The following IFT43 variants were observed in gnomAD, a reference collection of about 807,000 sequenced individuals.
IFT43 encodes intraflagellar transport 43, also known as intraflagellar transport protein 43 homolog.
IFT43 carries 33 observed loss-of-function variants against 32.3 expected under a neutral mutation model. That is an observed-to-expected ratio of 1.02 (90% CI 0.77 to 1.37). The LOEUF (loss-of-function observed/expected upper bound fraction) is 1.37, where lower values mean the gene tolerates loss of function less well. IFT43 is among the 40% of genes most tolerant of loss of function. The pLI is 0.00. For missense variants in IFT43, 274 were observed against 265.9 expected, an observed-to-expected ratio of 1.03 and a Z score of -0.21; for synonymous variants, 93 against 98.2, an observed-to-expected ratio of 0.95 and a Z score of 0.31.
At chr14:76,002,274 C>G (rs2035900619) in intron 2 of IFT43, among the ~76,000 whole-genome samples, 1 of 151,982 alleles carries the variant, frequency 6.6e-6, no homozygotes, top group African/African-American at 2.4e-5. Context: ...AATAATCTCA[C>G]ATCTTAATAC....
chr14:76,008,505 G>A (rs2036019796), intron 2 of IFT43, among the ~76,000 whole-genome samples: 1 of 152,132 alleles, frequency 6.6e-6, no homozygotes, highest in African/African-American at 2.4e-5. Flanking sequence ...TTACACATGA[G>A]GAAAAGGAGG....
intron 1 of IFT43, among the ~76,000 whole-genome samples, chr14:75,988,045 G>A (rs927135446): frequency 6.6e-6 from 1 of 152,204 alleles, no homozygotes; most frequent in Non-Finnish European, 1.5e-5. Flanking sequence ...GAACATGGGA[G>A]CATTTACCAC....
At position 76,058,882 on chromosome 14, in the gene IFT43, A is replaced by G. The variant is rs551929956; in HGVS notation, c.248+208A>G. 200 of 1,490,890 alleles carry G rather than the reference A, an allele frequency of 1.3e-4. No homozygotes were observed. The Admixed American group carries it at 1.5e-3, about 11-fold the overall frequency. 92.4% of individuals were successfully genotyped at this position (1,490,890 alleles called of 1,614,324 possible). ...ACCCTGGCATTGATGCCCATGTCCTATCTCCCACTGTGTGGTTTTAGAATT... is the reference window on the plus strand; with the variant it reads ...ACCCTGGCATTGATGCCCATGTCCTGTCTCCCACTGTGTGGTTTTAGAATT... On this transcript the variant is annotated intron_variant, in intron 4 of 8. Transcript: ENST00000314067.
At chr14:76,045,687 G>T (rs916161450) in intron 3 of IFT43, among the ~76,000 whole-genome samples, 1 of 152,188 alleles carries the variant, frequency 6.6e-6, no homozygotes, top group Non-Finnish European at 1.5e-5. Flanking sequence ...CTGCTATACT[G>T]CCAAGCCTCA....
chr14:76,064,933 A>G (rs986068836), intron 5 of IFT43, among the ~76,000 whole-genome samples: 2 of 152,126 alleles, frequency 1.3e-5, no homozygotes, highest in African/African-American at 4.8e-5. Flanking sequence ...TTTTTTCATC[A>G]TGGAAATACT....
At chr14:76,035,478 A>T (rs2036582359) in intron 3 of IFT43, among the ~76,000 whole-genome samples, 1 of 151,798 alleles carries the variant, frequency 6.6e-6, no homozygotes, top group Non-Finnish European at 1.5e-5. Context: ...TTTTAATGGC[A>T]TTGATGTTCC....
chr14:76,047,707 T>C (rs2036835397), intron 3 of IFT43, among the ~76,000 whole-genome samples: 4 of 150,778 alleles, frequency 2.7e-5, no homozygotes, highest in Admixed American at 2.6e-4. Context: ...CCGCCTGCCT[T>C]CCTCCCTCTG....
At chr14:76,082,530 T>A (rs1247514355) in intron 6 of IFT43, 87 bp from the exon 7 acceptor site, 1 of 1,499,014 alleles carries the variant, frequency 6.7e-7, no homozygotes, top group African/African-American at 1.4e-5. Flanking sequence ...CCCTGCTGTA[T>A]ACAAGGTTCT....
chr14:76,054,657 G>T (rs111527621), intron 3 of IFT43, among the ~76,000 whole-genome samples: 1 of 152,178 alleles, frequency 6.6e-6, no homozygotes, highest in Non-Finnish European at 1.5e-5. Context: ...AGGTGATCTC[G>T]CTGGAATTAT....
Position 76,022,456 on chromosome 14 carries a change from C to T in IFT43, c.215+62C>T, listed in dbSNP as rs1232311842. The T allele has an allele frequency of 2.2e-5, 21 of 952,784 alleles. 1 individual carries two copies. The highest frequency in any genetic ancestry group is 5.6e-5 in the South Asian group (4 of 71,276). The allele number at this position is 952,784 out of a possible 1,614,324, so 59.0% of individuals were successfully genotyped here. A position where few individuals can be genotyped will look rare whatever the true frequency, so the allele number is the denominator to read the frequency against. On this transcript the variant is annotated intron_variant, in intron 3 of 8. Coordinates refer to ENST00000314067, the MANE Select transcript of IFT43 (RefSeq NM_001102564.3). ...TGCACACGGTTGGGGGGACTTTGCT[C>T]CTGTGTTGTTTTATTTTTTACAATA...
chr14:76,071,150 G>T (rs1203706275), intron 5 of IFT43, among the ~76,000 whole-genome samples: 1 of 152,182 alleles, frequency 6.6e-6, no homozygotes, highest in African/African-American at 2.4e-5. Flanking sequence ...GGCCGGGTGA[G>T]GTGGATTGGT....
intron 3 of IFT43, among the ~76,000 whole-genome samples, chr14:76,037,108 G>A (rs2036614544): frequency 6.6e-6 from 1 of 152,228 alleles, no homozygotes. Context: ...GATGTGGTCT[G>A]TTGCTTCCTA....
chr14:76,031,378 C>T (rs114049582), intron 3 of IFT43, among the ~76,000 whole-genome samples: 4 of 152,214 alleles, frequency 2.6e-5, no homozygotes, highest in Admixed American at 1.3e-4. Flanking sequence ...TGTACTTACC[C>T]GAGTCTGCTT....
intron 2 of IFT43, among the ~76,000 whole-genome samples, chr14:76,001,420 G>A (rs115035405): frequency 0.013 from 2,054 of 152,194 alleles, 51 homozygotes; most frequent in African/African-American, 0.043. Flanking sequence ...GCTTCCCCTC[G>A]CTATCTAGAA....
At chr14:76,061,832 G>C (rs2037140901) in intron 5 of IFT43, among the ~76,000 whole-genome samples, 1 of 151,990 alleles carries the variant, frequency 6.6e-6, no homozygotes, top group African/African-American at 2.4e-5. Flanking sequence ...TGCTTATCTA[G>C]TTGAGCATCC....
chr14:76,077,376 TGTAGAGAA>T (rs1418934778), intron 5 of IFT43, among the ~76,000 whole-genome samples: 4 of 152,328 alleles, frequency 2.6e-5, no homozygotes, highest in Admixed American at 6.5e-5. Flanking sequence ...ACTGGAACAA[TGTAGAGAA>T]GTAGAGAAGG....
chr14:76,053,059 T>C (rs532191093), intron 3 of IFT43, among the ~76,000 whole-genome samples: 1 of 152,236 alleles, frequency 6.6e-6, no homozygotes, highest in South Asian at 2.1e-4. Flanking sequence ...CTTAGGCAGG[T>C]TACTTACCTC....
intron 2 of IFT43, among the ~76,000 whole-genome samples, chr14:76,003,041 A>G (rs2035919846): frequency 6.6e-6 from 1 of 152,236 alleles, no homozygotes; most frequent in South Asian, 2.1e-4. Context: ...CATGTCAATA[A>G]TTACTGAAAA....
intron 3 of IFT43, among the ~76,000 whole-genome samples, chr14:76,048,101 G>T (rs541373135): frequency 6.6e-6 from 1 of 152,316 alleles, no homozygotes; most frequent in South Asian, 2.1e-4. Context: ...TAGTATAATA[G>T]AATGTGCCTC....
Sources: gnomAD v4.1 joint callset for allele counts (sites outside exome capture counted in the v4.1 genomes callset) on GRCh38, gnomAD v4.1.1 for gene constraint, MANE v1.5 for transcripts, NCBI Gene and HGNC (gene_info 2026-07-23, HGNC 2026-07-21) for gene names.